The following TRAPPC9 variants were observed in gnomAD, a reference collection of about 807,000 sequenced individuals.
The protein encoded by TRAPPC9 is IKK2 binding protein.
A neutral mutation model predicts 124.0 loss-of-function variants in TRAPPC9; 83 were observed. The ratio of observed to expected loss-of-function variants is 0.67; its 90% CI spans 0.56 to 0.80. The LOEUF (loss-of-function observed/expected upper bound fraction) is 0.80. Among genes scored for constraint, TRAPPC9 ranks in the 30% least tolerant of loss-of-function variants. The pLI, the probability that TRAPPC9 is intolerant of heterozygous loss-of-function variation, is 0.00. For synonymous variants in TRAPPC9, 638 were observed against 617.5 expected (o/e 1.03, Z -0.49); for missense variants, 1,302 against 1,508.3 (o/e 0.86, Z 2.27).
chr8:139,905,463 G>A (rs1057386979), intron 20 of TRAPPC9, among the ~76,000 whole-genome samples: 4 of 152,192 alleles, frequency 2.6e-5, no homozygotes, highest in Admixed American at 6.5e-5. Context: ...AGTGCTTCCC[G>A]AGTGTGCCAC....
intron 19 of TRAPPC9, among the ~76,000 whole-genome samples, chr8:139,910,810 G>A (rs1315218777): frequency 8.5e-5 from 13 of 152,158 alleles, no homozygotes; most frequent in Non-Finnish European, 7.3e-5. Context: ...CATTTGGAAC[G>A]GTTGCATTTA....
intron 17 of TRAPPC9, among the ~76,000 whole-genome samples, chr8:140,049,605 T>C (rs563072105): frequency 6.1e-4 from 92 of 151,116 alleles, no homozygotes; most frequent in African/African-American, 2.1e-3. Flanking sequence ...TAGAAGGTTA[T>C]GTATCCCTCC....
chr8:140,338,696 A>C (rs922661278), intron 9 of TRAPPC9, among the ~76,000 whole-genome samples: 2 of 152,162 alleles, frequency 1.3e-5, no homozygotes, highest in Non-Finnish European at 2.9e-5. Flanking sequence ...CCTGTCAAGA[A>C]GACGGCCACC....
chr8:140,106,324 AG>A (rs2060664201), intron 17 of TRAPPC9, among the ~76,000 whole-genome samples: 1 of 152,174 alleles, frequency 6.6e-6, no homozygotes, highest in South Asian at 2.1e-4. Flanking sequence ...ACAGGTACCT[AG>A]GTAACTGATT....
At chr8:140,101,541 G>GTTTTTTTTTTTTTT (rs11387005) in intron 17 of TRAPPC9, among the ~76,000 whole-genome samples, 4 of 114,954 alleles carry the variant, frequency 3.5e-5, no homozygotes, top group African/African-American at 3.4e-5. Context: ...TCTTTTTTTT[G>GTTTTTTTTTTTTTT]TTTTTTTTTT....
chr8:140,426,608 C>G lies in TRAPPC9; in HGVS notation c.886+7G>C. Reference sequence around the variant, plus strand: ...ACCAAAAGAAACTAAACACATAGATCATGTACCTGGATCAATGAGAACTTC... The same window carrying G: ...ACCAAAAGAAACTAAACACATAGATGATGTACCTGGATCAATGAGAACTTC... On this transcript the variant is annotated splice_region_variant and intron_variant, in intron 5 of 22. Transcript: ENST00000438773. 1 of 1,613,644 alleles carries G rather than the reference C, an allele frequency of 6.2e-7. No individual in the cohort carries two copies. Among genetic ancestry groups the G allele is most frequent in the South Asian group, 1.1e-5 (1 of 91,054 alleles).
intron 17 of TRAPPC9, among the ~76,000 whole-genome samples, chr8:140,128,698 T>C (rs544827400): frequency 1.5e-4 from 23 of 152,184 alleles, no homozygotes; most frequent in Non-Finnish European, 2.2e-4. Context: ...GGGGTCGGCA[T>C]GATTTCGCCA....
At chr8:140,096,814 G>A (rs972513559) in intron 17 of TRAPPC9, 2 of 152,188 alleles carry the variant, frequency 1.3e-5, no homozygotes, top group Admixed American at 6.5e-5. Flanking sequence ...TGACAGCCAC[G>A]AGCGTGCAGG....
chr8:140,421,448 A>T (rs1564012836), intron 5 of TRAPPC9, among the ~76,000 whole-genome samples: 1 of 152,182 alleles, frequency 6.6e-6, no homozygotes, highest in Non-Finnish European at 1.5e-5. Context: ...AAGCAGTGAA[A>T]ATACCTTTGT....
chr8:139,871,262 C>T (rs1220247533), intron 21 of TRAPPC9, among the ~76,000 whole-genome samples: 2 of 152,184 alleles, frequency 1.3e-5, no homozygotes, highest in Non-Finnish European at 1.5e-5. Flanking sequence ...CTTGGGTAGG[C>T]ATAGGGCATG....
In TRAPPC9 at chr8:139,729,543, C is replaced by T. The variant is rs900176587; in HGVS notation, c.*1518G>A. Reference sequence around the variant, plus strand: ...GCTCCAGGAACTGAGGGCCACTGGACACCCGCCCCCACATGCCCCCAGCCC... The same window carrying T: ...GCTCCAGGAACTGAGGGCCACTGGATACCCGCCCCCACATGCCCCCAGCCC... On this transcript the variant is annotated 3_prime_UTR_variant, in exon 23 of 23. Transcript: ENST00000438773. Among the ~76,000 whole-genome samples, 4 of 152,224 alleles carry T rather than the reference C, an allele frequency of 2.6e-5. No homozygotes were observed. Among genetic ancestry groups the T allele is most frequent in the African/African-American group, 4.8e-5 (2 of 41,460 alleles).
intron 17 of TRAPPC9, among the ~76,000 whole-genome samples, chr8:140,168,072 C>T (rs1055642879): frequency 2.6e-5 from 4 of 152,192 alleles, no homozygotes; most frequent in African/African-American, 7.2e-5. Context: ...TCTCCCACTC[C>T]CCAAACCCCA....
chr8:139,753,853 C>G (rs1040941976), intron 21 of TRAPPC9, among the ~76,000 whole-genome samples: 5 of 152,210 alleles, frequency 3.3e-5, no homozygotes, highest in Non-Finnish European at 5.9e-5. Context: ...AATGCCACCC[C>G]CCTCTCCTCG....
chr8:140,028,415 C>A (rs1840288209), intron 17 of TRAPPC9, among the ~76,000 whole-genome samples: 1 of 152,170 alleles, frequency 6.6e-6, no homozygotes. Context: ...TAAAGAGTAC[C>A]TACTCCATGC....
chr8:140,269,557 T>TAAATA (rs2064811326), intron 15 of TRAPPC9, among the ~76,000 whole-genome samples: 1 of 23,464 alleles, frequency 4.3e-5, no homozygotes, highest in African/African-American at 2.0e-4. Context: ...TAAAATAAAA[T>TAAATA]AAATAAATAA....
chr8:139,959,983 A>C (rs1379025344), intron 19 of TRAPPC9, among the ~76,000 whole-genome samples: 2 of 152,194 alleles, frequency 1.3e-5, no homozygotes, highest in Non-Finnish European at 1.5e-5. Flanking sequence ...CGGCGGCGAG[A>C]GGCTCTCACA....
At chr8:140,024,156 C>A in intron 17 of TRAPPC9, 77 bp from the exon 18 acceptor site, 1 of 1,556,742 alleles carries the variant, frequency 6.4e-7, no homozygotes, top group Non-Finnish European at 8.8e-7. Context: ...AGGCAAGCGG[C>A]TTCGCTTAGG....
intron 21 of TRAPPC9, among the ~76,000 whole-genome samples, chr8:139,768,214 T>C (rs1027786680): frequency 4.6e-5 from 7 of 152,238 alleles, no homozygotes; most frequent in Non-Finnish European, 8.8e-5. Flanking sequence ...AGTAAAAGCA[T>C]AGTTTTACAT....
chr8:139,913,026 C>A (rs1462386898), intron 19 of TRAPPC9, among the ~76,000 whole-genome samples: 1 of 152,250 alleles, frequency 6.6e-6, no homozygotes, highest in East Asian at 1.9e-4. Flanking sequence ...ACCAGGTTCT[C>A]TTCCTGTTGA....
Sources: allele counts gnomAD v4.1 joint callset (sites outside exome capture counted in the v4.1 genomes callset), GRCh38; gene constraint gnomAD v4.1.1; transcripts MANE v1.5; gene names NCBI Gene and HGNC (gene_info 2026-07-23, HGNC 2026-07-21).